NPLOC4: variants seen among roughly 807,000 people sequenced by gnomAD.
The protein encoded by NPLOC4 is nuclear protein localization protein 4 homolog.
NPLOC4 carries 18 observed loss-of-function variants against 80.6 expected under a neutral mutation model. The observed-to-expected ratio is 0.22, with a 90% CI of 0.15 to 0.33. The LOEUF (loss-of-function observed/expected upper bound fraction) is 0.33, where lower values mean the gene tolerates loss of function less well. Among genes scored for constraint, NPLOC4 ranks in the 10% least tolerant of loss-of-function variants. The pLI is 1.00. For missense variants in NPLOC4, 540 were observed against 786.1 expected (o/e 0.69, Z 3.74); for synonymous variants, 313 against 301.5 (o/e 1.04, Z -0.39).
At chr17:81,594,753 C>T (rs1022571388) in intron 11 of NPLOC4, among the ~76,000 whole-genome samples, 1 of 150,140 alleles carries the variant, frequency 6.7e-6, no homozygotes, top group Admixed American at 6.6e-5. Context: ...CCAACCTGGG[C>T]GAGAGCGAGA....
At chr17:81,589,214 T>A (rs1179742487) in intron 11 of NPLOC4, 110 bp from the exon 12 acceptor site, 1 of 968,514 alleles carries the variant, frequency 1.0e-6, no homozygotes, top group Admixed American at 2.9e-5. Context: ...CTCAAGAGTT[T>A]GTCGGGGGTA....
chr17:81,624,134 A>G (rs915503709), intron 2 of NPLOC4, among the ~76,000 whole-genome samples: 2 of 151,830 alleles, frequency 1.3e-5, no homozygotes, highest in African/African-American at 4.8e-5. Flanking sequence ...AAAATACAAA[A>G]ATTAGGCCAG....
rs531777329 is a variant in NPLOC4 at position 81,565,035 on chromosome 17, C to T, written c.1669+470G>A. 732 of 462,266 alleles carry T rather than the reference C, an allele frequency of 1.6e-3. 1 individual carries two copies. The highest frequency in any genetic ancestry group is 2.5e-3 in the Non-Finnish European group (645 of 259,014). The allele number at this position is 462,266 out of a possible 1,614,324, so 28.6% of individuals were successfully genotyped here. A position where few individuals can be genotyped will look rare whatever the true frequency, so the allele number is the denominator to read the frequency against. On this transcript the variant is annotated intron_variant, in intron 16 of 16. Coordinates refer to ENST00000331134, the MANE Select transcript of NPLOC4 (RefSeq NM_017921.4). ...GTTCAGGACCTGGTGACTGAGGGTCCGGAAGACACGCAATGCCTGCGGTCC... is the reference window on the plus strand; with the variant it reads ...GTTCAGGACCTGGTGACTGAGGGTCTGGAAGACACGCAATGCCTGCGGTCC...
At chr17:81,565,207 A>C in intron 16 of NPLOC4, 1 of 633,084 alleles carries the variant, frequency 1.6e-6, no homozygotes. Context: ...TAAGACAATG[A>C]TGTTCAAAGT....
chr17:81,619,449 TAAGGCAGGAG>T (rs2035602641), intron 3 of NPLOC4, among the ~76,000 whole-genome samples: 1 of 148,790 alleles, frequency 6.7e-6, no homozygotes, highest in Non-Finnish European at 1.5e-5. Context: ...CTCGGGAGGC[TAAGGCAGGAG>T]AATCGCTTGA....
rs1434791928 is a variant in NPLOC4, at chr17:81,580,683, G to A, written c.1281+8261C>T. ...CAGGGCACTCCAAGCTTCTCTACCC[G>A]TTCCGCTGGGGTGGCCCACCTCCCC... On this transcript the variant is annotated intron_variant, in intron 12 of 16. Transcript: ENST00000331134. The surrounding 1 kb of genome is among the most constrained non-coding windows in gnomAD (Gnocchi z 4.4). Among the ~76,000 whole-genome samples the A allele has an allele frequency of 6.6e-6, 1 of 152,152 alleles. No homozygotes were observed. Among genetic ancestry groups the A allele is most frequent in the African/African-American group, 2.4e-5 (1 of 41,444 alleles).
chr17:81,632,022 C>G (rs1161460740), intron 1 of NPLOC4, among the ~76,000 whole-genome samples: 1 of 151,406 alleles, frequency 6.6e-6, no homozygotes, highest in Non-Finnish European at 1.5e-5. Context: ...TGCAGTGGCG[C>G]AATCTCGGCT....
rs2034409604 is a variant in NPLOC4, at chr17:81,580,517, C to G, written c.1281+8427G>C. ...TTCAGCTTCCAAGGGCCCCTCCCAC[C>G]TCTACCCCAGCAGGCCACCCTGCTT... On this transcript the variant is annotated intron_variant, in intron 12 of 16. Coordinates refer to ENST00000331134, the MANE Select transcript of NPLOC4 (RefSeq NM_017921.4). The surrounding 1 kb of genome is among the most constrained non-coding windows in gnomAD (Gnocchi z 4.4). Among the ~76,000 whole-genome samples the G allele has an allele frequency of 6.6e-6, 1 of 152,186 alleles. No individual in the cohort carries two copies. The highest frequency in any genetic ancestry group is 1.5e-5 in the Non-Finnish European group (1 of 68,030).
chr17:81,630,564 G>T (rs2035902488), intron 1 of NPLOC4, among the ~76,000 whole-genome samples: 1 of 152,100 alleles, frequency 6.6e-6, no homozygotes, highest in Non-Finnish European at 1.5e-5. Context: ...CACAACGCCA[G>T]CTATTACTTA....
chr17:81,602,086 G>T (rs568914802), intron 8 of NPLOC4, among the ~76,000 whole-genome samples: 108 of 152,244 alleles, frequency 7.1e-4, no homozygotes, highest in Admixed American at 1.6e-3. Context: ...GCATGCGTGT[G>T]TGTATGTGCT....
intron 11 of NPLOC4, among the ~76,000 whole-genome samples, chr17:81,590,197 C>T (rs1263925300): frequency 6.6e-6 from 1 of 152,224 alleles, no homozygotes; most frequent in Non-Finnish European, 1.5e-5. Context: ...ACTCCACGGC[C>T]GTGGGCAGAC....
chr17:81,615,416 A>C (rs1260120196), intron 3 of NPLOC4, among the ~76,000 whole-genome samples: 1 of 152,136 alleles, frequency 6.6e-6, no homozygotes, highest in East Asian at 1.9e-4. Flanking sequence ...TCTGTTTCTA[A>C]TAGCAGATTA....
chr17:81,599,644 A>G (rs896886924), intron 9 of NPLOC4, among the ~76,000 whole-genome samples: 8 of 152,240 alleles, frequency 5.3e-5, no homozygotes, highest in African/African-American at 1.7e-4. Context: ...AATAAAGGAT[A>G]AAACATACTT....
At chr17:81,564,802 A>AC (rs1250109342) in intron 16 of NPLOC4, 1 of 152,628 alleles carries the variant, frequency 6.6e-6, no homozygotes, top group Non-Finnish European at 1.5e-5. Context: ...AAAAAAAAAA[A>AC]AAACAGGAAA....
In NPLOC4 at chr17:81,608,769, G is replaced by C. The variant is rs1228961209; in HGVS notation, c.489C>G (p.Ser163=). The change falls in exon 6 of 17, where the codon TCC becomes TCG. Residue 163 remains serine, a synonymous_variant. Transcript: ENST00000331134. ...NHLEPPVKHM[S]FHAYIRKLTG... ...TCAGCTTCCGGATGTAGGCGTGGAA[G>C]GACATGTGCTTCACGGGAGGCTCGA... 1.9e-6 allele frequency: 3 copies of C among 1,594,346 alleles called. No homozygotes were observed. Among genetic ancestry groups the C allele is most frequent in the South Asian group, 1.1e-5 (1 of 87,496 alleles).
rs575444420 is a variant in NPLOC4 at position 81,558,912 on chromosome 17, T to C, written c.*347A>G. 1.0e-5 allele frequency: 2 copies of C among 200,074 alleles called. No homozygotes were observed. The highest frequency in any genetic ancestry group is 2.0e-5 in the Non-Finnish European group (2 of 99,742). The allele number at this position is 200,074 out of a possible 1,614,324, so 12.4% of individuals were successfully genotyped here. ...TGAAAATAAAGAGAAGGCTGGGTGG[T>C]GGCAGCATCGGCCCCTCCCTGTGCG... is the stretch of plus-strand genomic sequence containing the variant. On this transcript the variant is annotated 3_prime_UTR_variant, in exon 17 of 17. Transcript: ENST00000331134.
At chr17:81,596,710 C>G (rs542926086) in intron 10 of NPLOC4, among the ~76,000 whole-genome samples, 1 of 152,232 alleles carries the variant, frequency 6.6e-6, no homozygotes, top group African/African-American at 2.4e-5. Context: ...CAAACCACCC[C>G]GCCATGGGCT....
intron 4 of NPLOC4, among the ~76,000 whole-genome samples, chr17:81,611,916 C>T (rs1197215256): frequency 1.4e-5 from 2 of 147,802 alleles, no homozygotes; most frequent in African/African-American, 2.5e-5. Flanking sequence ...GCGGACGTCG[C>T]GCCACTGCAC....
At chr17:81,597,349 C>T (rs1568141804) in intron 9 of NPLOC4, 33 bp from the exon 10 acceptor site, 2 of 1,553,202 alleles carry the variant, frequency 1.3e-6, no homozygotes, top group African/African-American at 2.7e-5. Flanking sequence ...TTAAACATCT[C>T]CTCAAGATAG....
Sources: allele counts gnomAD v4.1 joint callset (sites outside exome capture counted in the v4.1 genomes callset), GRCh38; gene constraint gnomAD v4.1.1; non-coding constraint Gnocchi (gnomAD v3.1); transcripts MANE v1.5; gene names NCBI Gene and HGNC (gene_info 2026-07-23, HGNC 2026-07-21).